SMAD3: variants seen among roughly 807,000 people sequenced by gnomAD.
SMAD3 encodes the protein MAD homolog 3.
A neutral mutation model predicts 51.8 loss-of-function variants in SMAD3; 12 were observed. The observed-to-expected ratio is 0.23, with a 90% confidence interval of 0.15 to 0.38. The LOEUF (loss-of-function observed/expected upper bound fraction) is 0.38. SMAD3 is among the 10% of genes least tolerant of loss of function. The probability of loss-of-function intolerance (pLI) is 1.00; values close to 1 mark genes in which losing one functional copy is unlikely to be tolerated. For synonymous variants in SMAD3, 238 were observed against 227.7 expected, an observed-to-expected ratio of 1.05 and a Z score of -0.41; for missense variants, 294 against 565.6, an observed-to-expected ratio of 0.52 and a Z score of 4.87.
chr15:67,147,093 A>C (rs1244836337), intron 1 of SMAD3, among the ~76,000 whole-genome samples: 3 of 152,170 alleles, frequency 2.0e-5, no homozygotes, highest in Non-Finnish European at 2.9e-5. Context: ...CTCTTGTTTA[A>C]CGTTCCCCTC....
At chr15:67,189,556 G>T (rs1963307167) in intron 8 of SMAD3, among the ~76,000 whole-genome samples, 1 of 152,224 alleles carries the variant, frequency 6.6e-6, no homozygotes, top group East Asian at 1.9e-4. Context: ...GGCGGGCGCG[G>T]CCCCTTCCCA....
At chr15:67,186,703 C>T in intron 7 of SMAD3, 1 of 185,700 alleles carries the variant, frequency 5.4e-6, no homozygotes, top group Admixed American at 5.6e-5. Context: ...TGCACACCTT[C>T]ACTTAGCTGT....
At chr15:67,090,887 T>G (rs1379309959) in intron 1 of SMAD3, among the ~76,000 whole-genome samples, 1 of 152,180 alleles carries the variant, frequency 6.6e-6, no homozygotes, top group Admixed American at 6.5e-5. Context: ...CAAACTGTGT[T>G]TGGTCCAAGG....
intron 1 of SMAD3, among the ~76,000 whole-genome samples, chr15:67,147,617 G>A (rs560430241): frequency 2.0e-5 from 3 of 152,228 alleles, no homozygotes; most frequent in African/African-American, 4.8e-5. Flanking sequence ...TTCTGCAAAA[G>A]GACATTTGCA....
chr15:67,187,962 T>C (rs1465806439), intron 8 of SMAD3, among the ~76,000 whole-genome samples: 1 of 152,054 alleles, frequency 6.6e-6, no homozygotes, highest in Non-Finnish European at 1.5e-5. Context: ...CTTCAGCTCA[T>C]TGTTCCTCTC....
At chr15:67,094,191 C>T (rs1458814295) in intron 1 of SMAD3, among the ~76,000 whole-genome samples, 5 of 152,154 alleles carry the variant, frequency 3.3e-5, no homozygotes, top group South Asian at 2.1e-4. Context: ...TGCACCTCGG[C>T]GAGTCAGAAG....
At position 67,193,901 on chromosome 15, in the gene SMAD3, TGTAA is replaced by T. The variant is rs1595969730; in HGVS notation, c.*3370_*3373del. ...GTAGTGTGTGCATGGCATGCACGTA[TGTAA>T]GTAATCTGGGGAAGAAGCAAAGATC... is the stretch of plus-strand genomic sequence containing the variant. On this transcript the variant is annotated 3_prime_UTR_variant, in exon 9 of 9. Transcript: ENST00000327367. 4.3e-6 allele frequency: 1 copy of T among 233,122 alleles called. No individual in the cohort carries two copies. The highest frequency in any genetic ancestry group is 8.5e-6 in the Non-Finnish European group (1 of 117,902). 14.4% of individuals were successfully genotyped at this position (233,122 alleles called of 1,614,324 possible). A position where few individuals can be genotyped will look rare whatever the true frequency, so the allele number is the denominator to read the frequency against.
intron 1 of SMAD3, among the ~76,000 whole-genome samples, chr15:67,079,193 G>A (rs1477223140): frequency 1.3e-5 from 2 of 152,016 alleles, no homozygotes; most frequent in African/African-American, 4.8e-5. Context: ...GGTCAGGCTG[G>A]TCTCGAACTC....
chr15:67,138,181 A>C, intron 1 of SMAD3: 1 of 1,102,526 alleles, frequency 9.1e-7, no homozygotes, highest in South Asian at 1.3e-5. Context: ...CTGGCCAGAG[A>C]TCTGTCAGAG....
chr15:67,134,620 C>G (rs1349450754), intron 1 of SMAD3, among the ~76,000 whole-genome samples: 1 of 152,198 alleles, frequency 6.6e-6, no homozygotes, highest in East Asian at 1.9e-4. Context: ...TTGACCCATC[C>G]CAGCCCCTTG....
chr15:67,145,892 A>C (rs1361640813), intron 1 of SMAD3, among the ~76,000 whole-genome samples: 1 of 152,182 alleles, frequency 6.6e-6, no homozygotes, highest in Non-Finnish European at 1.5e-5. Flanking sequence ...AGTGGGAAGA[A>C]GCTGGGCTTT....
At chr15:67,129,637 G>A (rs954159252) in intron 1 of SMAD3, among the ~76,000 whole-genome samples, 6 of 151,992 alleles carry the variant, frequency 3.9e-5, no homozygotes, top group Non-Finnish European at 7.4e-5. Flanking sequence ...TATTCCCCTC[G>A]GATAATTGCA....
chr15:67,083,320 A>G (rs530265608), intron 1 of SMAD3, among the ~76,000 whole-genome samples: 29 of 152,294 alleles, frequency 1.9e-4, no homozygotes, highest in African/African-American at 7.0e-4. Context: ...TCAGATGTTT[A>G]CCATCGCCTG....
chr15:67,079,469 G>A (rs1960237912), intron 1 of SMAD3, among the ~76,000 whole-genome samples: 1 of 152,102 alleles, frequency 6.6e-6, no homozygotes. Context: ...CCTTGTACTA[G>A]AAGCTTAGGT....
chr15:67,085,201 C>T (rs1257180228), intron 1 of SMAD3, among the ~76,000 whole-genome samples: 1 of 152,154 alleles, frequency 6.6e-6, no homozygotes, highest in Non-Finnish European at 1.5e-5. Flanking sequence ...CTGACCCATC[C>T]TTTGTCACCG....
chr15:67,155,442 A>G (rs1314492798), intron 1 of SMAD3, among the ~76,000 whole-genome samples: 1 of 152,184 alleles, frequency 6.6e-6, no homozygotes, highest in African/African-American at 2.4e-5. Context: ...TGCATGGAAG[A>G]AATAAAGGCA....
At chr15:67,178,009 G>T (rs1962952919) in intron 5 of SMAD3, among the ~76,000 whole-genome samples, 1 of 152,236 alleles carries the variant, frequency 6.6e-6, no homozygotes, top group South Asian at 2.1e-4. Context: ...GCAGCCTGCA[G>T]ACTTTGCCAC....
chr15:67,086,636 A>T (rs1776020550), intron 1 of SMAD3, among the ~76,000 whole-genome samples: 1 of 152,222 alleles, frequency 6.6e-6, no homozygotes, highest in Non-Finnish European at 1.5e-5. Context: ...TTGTAGACAC[A>T]TGCCAGATGT....
At chr15:67,147,660 G>A (rs1057181160) in intron 1 of SMAD3, among the ~76,000 whole-genome samples, 5 of 152,108 alleles carry the variant, frequency 3.3e-5, no homozygotes, top group African/African-American at 7.2e-5. Context: ...CCCCAGTGTC[G>A]TGTCCAGGTC....
Sources: allele counts gnomAD v4.1 joint callset (sites outside exome capture counted in the v4.1 genomes callset), GRCh38; gene constraint gnomAD v4.1.1; transcripts MANE v1.5; gene names NCBI Gene and HGNC (gene_info 2026-07-23, HGNC 2026-07-21).